ABCC8: variants seen among roughly 807,000 people sequenced by gnomAD.
ABCC8 encodes ATP binding cassette subfamily C member 8.
Under a neutral mutation model 188.0 loss-of-function variants are expected in ABCC8, and 137 were observed. The observed-to-expected ratio is 0.73, with a 90% CI of 0.63 to 0.84. The LOEUF (loss-of-function observed/expected upper bound fraction) is 0.84, where lower values mean the gene tolerates loss of function less well. Ranked by LOEUF, ABCC8 falls within the 40% of genes least tolerant of loss-of-function variation. The pLI is 0.00. For synonymous variants in ABCC8, 797 were observed against 846.5 expected, an observed-to-expected ratio of 0.94 and a Z score of 1.01; for missense variants, 1,750 against 2,072.7, an observed-to-expected ratio of 0.84 and a Z score of 3.02.
intron 12 of ABCC8, 71 bp downstream of exon 12, chr11:17,430,743 T>A (rs1955807722): frequency 6.5e-7 from 1 of 1,527,168 alleles, no homozygotes; most frequent in Non-Finnish European, 9.1e-7. Context: ...GGTTTGGCCA[T>A]CACTCGAGCA....
intron 16 of ABCC8, among the ~76,000 whole-genome samples, chr11:17,421,821 C>T (rs904520658): frequency 3.3e-5 from 5 of 152,136 alleles, no homozygotes; most frequent in African/African-American, 4.8e-5. Context: ...GAGGAATAAA[C>T]GAATAGTTGC....
chr11:17,433,484 A>G (rs1955940036), intron 10 of ABCC8, among the ~76,000 whole-genome samples: 1 of 152,274 alleles, frequency 6.6e-6, no homozygotes, highest in Admixed American at 6.5e-5. Flanking sequence ...TGCAGCAGTC[A>G]GTACATACAA....
chr11:17,437,708 C>T (rs1338170464), intron 10 of ABCC8, among the ~76,000 whole-genome samples: 7 of 152,168 alleles, frequency 4.6e-5, no homozygotes, highest in East Asian at 1.9e-4. Context: ...ATGGGTGCCC[C>T]GGCTCTCCCT....
intron 38 of ABCC8, 149 bp from the exon 39 acceptor site, chr11:17,393,277 G>C: frequency 9.0e-7 from 1 of 1,113,754 alleles, no homozygotes; most frequent in Non-Finnish European, 1.3e-6. Flanking sequence ...GCACTTTCCT[G>C]GGGTGGATGT....
chr11:17,397,528 C>T, intron 31 of ABCC8, 156 bp downstream of exon 31: 1 of 1,414,550 alleles, frequency 7.1e-7, no homozygotes. Flanking sequence ...GGCCCTGGGG[C>T]CTGCTGGTCA....
intron 21 of ABCC8, 93 bp from the exon 22 acceptor site, chr11:17,410,746 A>G (rs1044022132): frequency 1.4e-5 from 22 of 1,566,342 alleles, no homozygotes; most frequent in East Asian, 2.3e-5. Flanking sequence ...AGTTCTATCA[A>G]CTCTGCTCTA....
intron 16 of ABCC8, among the ~76,000 whole-genome samples, chr11:17,425,575 G>A (rs1442038731): frequency 1.3e-5 from 2 of 152,154 alleles, no homozygotes; most frequent in Non-Finnish European, 2.9e-5. Context: ...ACAGAGCCAG[G>A]TTTTATGTTG....
intron 1 of ABCC8, among the ~76,000 whole-genome samples, chr11:17,475,962 G>C (rs1197888597): frequency 6.6e-5 from 10 of 152,208 alleles, no homozygotes; most frequent in Non-Finnish European, 1.5e-4. Flanking sequence ...AAGCAAGGGC[G>C]CCGGGGTCGC....
intron 1 of ABCC8, 52 bp downstream of exon 1, chr11:17,476,577 C>T (rs1249929082): frequency 1.3e-5 from 20 of 1,591,848 alleles, no homozygotes; most frequent in Admixed American, 1.7e-5. Context: ...GCGCCTCCTC[C>T]TCCCTCCCTG....
intron 10 of ABCC8, among the ~76,000 whole-genome samples, chr11:17,441,003 G>T (rs891946251): frequency 3.9e-5 from 6 of 152,124 alleles, no homozygotes; most frequent in African/African-American, 1.4e-4. Flanking sequence ...TGTTGGATGG[G>T]TCTATCTGGG....
At chr11:17,462,872 A>G (rs897310693) in intron 4 of ABCC8, among the ~76,000 whole-genome samples, 2 of 152,176 alleles carry the variant, frequency 1.3e-5, no homozygotes, top group African/African-American at 4.8e-5. Flanking sequence ...TGTTGAGAGG[A>G]AAAAACCTGA....
At chr11:17,443,771 G>A (rs886686016) in intron 8 of ABCC8, among the ~76,000 whole-genome samples, 10 of 152,146 alleles carry the variant, frequency 6.6e-5, no homozygotes, top group Non-Finnish European at 1.0e-4. Context: ...CCGAGAATTC[G>A]CTTTTCATTC....
intron 14 of ABCC8, 142 bp downstream of exon 14, chr11:17,428,147 G>T (rs1955671366): frequency 1.3e-6 from 2 of 1,548,504 alleles, no homozygotes; most frequent in East Asian, 4.5e-5. Context: ...GGTGGTCCCT[G>T]GTTTCTGGAC....
At position 17,449,009 on chromosome 11, in the gene ABCC8, C is replaced by T. The variant is rs182216954; in HGVS notation, c.1177-338G>A. ...TGGCATGATCTCAGCTCACTGCAGC[C>T]TCCACCTTCCGGGTTCAAGCAATTC... On this transcript the variant is annotated intron_variant, in intron 7 of 38. Transcript: ENST00000389817. Among the ~76,000 whole-genome samples, 1,297 of 152,304 alleles carry T rather than the reference C, an allele frequency of 8.5e-3. 22 individuals are homozygous for T. Among genetic ancestry groups the T allele is most frequent in the African/African-American group, 0.03 (1,239 of 41,554 alleles).
At chr11:17,439,631 A>G (rs1308595675) in intron 10 of ABCC8, among the ~76,000 whole-genome samples, 1 of 151,996 alleles carries the variant, frequency 6.6e-6, no homozygotes, top group Non-Finnish European at 1.5e-5. Context: ...GAGGGAAAAA[A>G]AAACACATCC....
At position 17,404,573 on chromosome 11, in the gene ABCC8, C is replaced by A. The variant is rs1368396077; in HGVS notation, c.3496G>T (p.Ala1166Ser). The change falls in exon 28 of 39, where the codon GCC becomes TCC. Residue 1166 changes from alanine to serine, a missense_variant. Physicochemically the swap from Ala to Ser is moderately conservative, Grantham distance 99. Coordinates refer to ENST00000389817, the MANE Select transcript of ABCC8 (RefSeq NM_000352.6). This position sits in a 1 kb window ranked among gnomAD's most constrained non-coding sequence, Gnocchi z 4.7. Reference sequence around the variant, plus strand: ...CACACGATGGCCAGGGGCAAGAGGGCCACGAGGAACACAGGTGTGACATAG... The same window carrying A: ...CACACGATGGCCAGGGGCAAGAGGGACACGAGGAACACAGGTGTGACATAG... Reference protein sequence around the residue: ...ISYVTPVFLVALLPLAIVCYF... With the variant: ...ISYVTPVFLVSLLPLAIVCYF... 6.2e-7 allele frequency: 1 copy of A among 1,613,932 alleles called. No individual in the cohort carries two copies. Among genetic ancestry groups the A allele is most frequent in the African/African-American group, 1.3e-5 (1 of 74,886 alleles).
At chr11:17,396,249 G>A (rs1040286070) in intron 33 of ABCC8, 38 of 483,388 alleles carry the variant, frequency 7.9e-5, no homozygotes, top group African/African-American at 7.2e-4. Context: ...GGGCATGGGT[G>A]TGGCAGGAGG....
At position 17,461,933 on chromosome 11, in the gene ABCC8, C is replaced by T. The variant is rs999294748; in HGVS notation, c.580-108G>A. On this transcript the variant is annotated intron_variant, in intron 4 of 38. Coordinates refer to ENST00000389817, the MANE Select transcript of ABCC8 (RefSeq NM_000352.6). ...GTGATATTCCACACTTGATCTCTAA[C>T]AGATGGGGCCATCTTTCGCCTGTAA... 3.3e-6 allele frequency: 5 copies of T among 1,535,182 alleles called. No homozygotes were observed. The East Asian group carries it at 1.2e-4, about 35-fold the overall frequency.
intron 6 of ABCC8, among the ~76,000 whole-genome samples, chr11:17,457,915 A>G (rs1488693526): frequency 2.0e-5 from 3 of 152,306 alleles, no homozygotes; most frequent in African/African-American, 7.2e-5. Flanking sequence ...CCAGACTGTG[A>G]AACACTGCAA....
Sources: allele counts gnomAD v4.1 joint callset (sites outside exome capture counted in the v4.1 genomes callset), GRCh38; gene constraint gnomAD v4.1.1; non-coding constraint Gnocchi (gnomAD v3.1); transcripts MANE v1.5; gene names NCBI Gene and HGNC (gene_info 2026-07-23, HGNC 2026-07-21).